IL17B: variants seen among roughly 807,000 people sequenced by gnomAD.
The protein encoded by IL17B is interleukin-17B.
Under a neutral mutation model 14.7 loss-of-function variants are expected in IL17B, and 14 were observed. The observed-to-expected ratio is 0.95, with a 90% confidence interval of 0.63 to 1.49. The LOEUF is 1.49. Ranked by LOEUF, IL17B falls within the 40% of genes most tolerant of loss-of-function variation. The probability of loss-of-function intolerance (pLI) is 0.00; values close to 1 mark genes in which losing one functional copy is unlikely to be tolerated. For synonymous variants in IL17B, 105 were observed against 94.8 expected (o/e 1.11, Z -0.62); for missense variants, 233 against 252.8 (o/e 0.92, Z 0.53).
At chr5:149,387,913 C>T (rs1758858722) in intron 1 of IL17B, among the ~76,000 whole-genome samples, 1 of 151,902 alleles carries the variant, frequency 6.6e-6, no homozygotes, top group African/African-American at 2.4e-5. Flanking sequence ...AGAAAAGGGA[C>T]AGAGCTTGGG....
chr5:149,380,723 C>T (rs1482306657), upstream of IL17B, among the ~76,000 whole-genome samples: 2 of 152,320 alleles, frequency 1.3e-5, no homozygotes, highest in Non-Finnish European at 2.9e-5. Context: ...ACGGCCCTGT[C>T]GTGCTGAGGG....
chr5:149,380,217 C>G (rs1401724093), upstream of IL17B, among the ~76,000 whole-genome samples: 2 of 152,118 alleles, frequency 1.3e-5, no homozygotes, highest in Non-Finnish European at 2.9e-5. Context: ...GTTCCCACAT[C>G]TCTAGAATGG....
At chr5:149,388,241 T>C (rs1414221379) in intron 1 of IL17B, among the ~76,000 whole-genome samples, 1 of 152,234 alleles carries the variant, frequency 6.6e-6, no homozygotes, top group Non-Finnish European at 1.5e-5. Context: ...AGTGTGCTCT[T>C]AGAAAAACCT....
In IL17B at chr5:149,374,790, C is replaced by G. The variant is rs961104967; in HGVS notation, c.312-190G>C. On this transcript the variant is annotated intron_variant, in intron 2 of 2. Coordinates refer to ENST00000261796, the MANE Select transcript of IL17B (RefSeq NM_014443.3). This position sits in a 1 kb window ranked among gnomAD's most constrained non-coding sequence, Gnocchi z 5.0. ...AAACTGAAGATCATGGAAGGCAAGT[C>G]GAGAGCCCCAAGGTTATCCAGCTTC... 7.1e-6 allele frequency: 4 copies of G among 566,120 alleles called. No individual in the cohort carries two copies. Among genetic ancestry groups the G allele is most frequent in the African/African-American group, 5.6e-5 (3 of 53,554 alleles). The allele number at this position is 566,120 out of a possible 1,614,324, so 35.1% of individuals were successfully genotyped here. A position where few individuals can be genotyped will look rare whatever the true frequency, so the allele number is the denominator to read the frequency against.
intron 1 of IL17B, among the ~76,000 whole-genome samples, chr5:149,384,432 T>C (rs1467951328): frequency 6.6e-6 from 1 of 152,218 alleles, no homozygotes; most frequent in East Asian, 1.9e-4. Flanking sequence ...ATGTGCCTGA[T>C]TTTGATGTAT....
upstream of IL17B, among the ~76,000 whole-genome samples, chr5:149,380,986 G>T (rs566098710): frequency 6.6e-6 from 1 of 152,218 alleles, no homozygotes; most frequent in Admixed American, 6.5e-5. Flanking sequence ...CGCCCCCACC[G>T]CAGGCTGTCC....
chr5:149,379,638 C>T (rs1284260573), upstream of IL17B, among the ~76,000 whole-genome samples: 5 of 152,098 alleles, frequency 3.3e-5, no homozygotes, highest in Admixed American at 2.0e-4. Flanking sequence ...AGGGATGGGC[C>T]GTTGGTTGGT....
At chr5:149,390,630 C>CAGAGAGAGAGAG (rs1554108482) in intron 1 of IL17B, among the ~76,000 whole-genome samples, 4 of 132,002 alleles carry the variant, frequency 3.0e-5, no homozygotes, top group African/African-American at 1.2e-4. Context: ...CACACACACA[C>CAGAGAGAGAGAG]AGAGATACAC....
At chr5:149,396,290 C>T (rs1299267636) in intron 1 of IL17B, among the ~76,000 whole-genome samples, 1 of 152,136 alleles carries the variant, frequency 6.6e-6, no homozygotes, top group Admixed American at 6.5e-5. Flanking sequence ...CAGATATATT[C>T]TAGAAATTTC....
At chr5:149,375,986 A>G (rs1011240683) in intron 2 of IL17B, among the ~76,000 whole-genome samples, 1 of 152,250 alleles carries the variant, frequency 6.6e-6, no homozygotes, top group African/African-American at 2.4e-5. Context: ...TGGACTTTAC[A>G]TCATCACAGA....
Position 149,385,239 on chromosome 5 carries a change from C to T in IL17B, n.96-8214G>A, listed in dbSNP as rs183909646. On this transcript the variant is annotated intron_variant and non_coding_transcript_variant, in intron 1 of 2. Coordinates refer to the IL17B transcript ENST00000505432. ...ACGTGGTGGCGCATGCCTGTAATCC[C>T]AGCTACTCAGGAGGCTGAGGCAGGA... Among the ~76,000 whole-genome samples the T allele has an allele frequency of 8.8e-3, 1,342 of 152,152 alleles. 18 individuals are homozygous for T. The highest frequency in any genetic ancestry group is 0.031 in the African/African-American group (1,274 of 41,552).
intron 1 of IL17B, among the ~76,000 whole-genome samples, chr5:149,387,035 T>C (rs1311436631): frequency 6.6e-6 from 1 of 150,490 alleles, no homozygotes; most frequent in Non-Finnish European, 1.5e-5. Flanking sequence ...TAATGCAGGA[T>C]GAGGAATCTA....
rs1336732947 is a variant in IL17B at position 149,376,988 on chromosome 5, C to T, written c.59G>A (p.Gly20Asp). 2 of 1,583,840 alleles carry T rather than the reference C, an allele frequency of 1.3e-6. No homozygotes were observed. The highest frequency in any genetic ancestry group is 2.2e-5 in the East Asian group (1 of 44,674). The stretch of plus-strand genomic sequence containing the variant: ...CTTGCTTTTGGGGCTCCTGGGCTGG[C>T]CCAGCCCCAGGAAGATGGAAATGGT... ...LLTISIFLGL[G>D]QPRSPKSKRK... Residue 20 changes from glycine to aspartate, a missense_variant, in exon 2 of 3, where the codon GGC becomes GAC. Transcript: ENST00000261796.
intron 1 of IL17B, among the ~76,000 whole-genome samples, chr5:149,400,140 G>A (rs924290538): frequency 2.0e-5 from 3 of 152,124 alleles, no homozygotes; most frequent in Admixed American, 6.6e-5. Flanking sequence ...AAACAGGGTT[G>A]CCACAGATGT....
intron 1 of IL17B, among the ~76,000 whole-genome samples, chr5:149,392,449 T>TGGCTTC (rs1320201499): frequency 6.6e-6 from 1 of 152,252 alleles, no homozygotes; most frequent in Non-Finnish European, 1.5e-5. Context: ...CAATAGCTGT[T>TGGCTTC]ATTAAGTAAA....
At chr5:149,398,683 G>C (rs1363772249) in intron 1 of IL17B, among the ~76,000 whole-genome samples, 1 of 152,252 alleles carries the variant, frequency 6.6e-6, no homozygotes, top group Non-Finnish European at 1.5e-5. Context: ...GAGGTGGGCA[G>C]ATCATCTGAG....
chr5:149,384,909 C>CT lies in IL17B; in HGVS notation n.96-7885dup, dbSNP rs531690396. 4.5e-3 allele frequency among the ~76,000 whole-genome samples: 588 copies of CT among 131,738 alleles called. 1 individual carries two copies. Among genetic ancestry groups the CT allele is most frequent in the African/African-American group, 0.011 (395 of 36,164 alleles). 86.4% of individuals were successfully genotyped at this position (131,738 alleles called of 152,430 possible). ...GTTGTGGGGTGGAGGGGTTGTTGAG[C>CT]TTTTTTTTTTTTTTTTTGAGATGGA... On this transcript the variant is annotated intron_variant and non_coding_transcript_variant, in intron 1 of 2. Coordinates refer to the IL17B transcript ENST00000505432.
At chr5:149,380,109 T>C (rs1252371022), upstream of IL17B, among the ~76,000 whole-genome samples, 1 of 152,196 alleles carries the variant, frequency 6.6e-6, no homozygotes, top group African/African-American at 2.4e-5. Context: ...ATGTGAGCTT[T>C]ACTGTCAGCC....
intron 2 of IL17B, among the ~76,000 whole-genome samples, chr5:149,375,978 G>A (rs1293910231): frequency 1.3e-5 from 2 of 152,214 alleles, no homozygotes; most frequent in African/African-American, 4.8e-5. Context: ...TACCATACTG[G>A]ACTTTACATC....
Sources: allele counts gnomAD v4.1 joint callset (sites outside exome capture counted in the v4.1 genomes callset), GRCh38; gene constraint gnomAD v4.1.1; non-coding constraint Gnocchi (gnomAD v3.1); transcripts MANE v1.5; gene names NCBI Gene and HGNC (gene_info 2026-07-23, HGNC 2026-07-21).